Variants in RBFOX1 observed in about 807,000 individuals in gnomAD.
The protein encoded by RBFOX1 is RNA binding protein fox-1 homolog 1.
In RBFOX1, 8 loss-of-function variants were observed where a neutral mutation model predicts 57.7. The ratio of observed to expected loss-of-function variants is 0.14; its 90% CI spans 0.08 to 0.25. The LOEUF (loss-of-function observed/expected upper bound fraction) is 0.25. Ranked by LOEUF, RBFOX1 falls within the 10% of genes least tolerant of loss-of-function variation. The pLI, the probability that RBFOX1 is intolerant of heterozygous loss-of-function variation, is 1.00. For missense variants in RBFOX1, 611 were observed against 548.5 expected (o/e 1.11, Z -1.14); for synonymous variants, 326 against 222.4 (o/e 1.47, Z -4.15).
chr16:5,612,207 C>T (rs1468940968), intron 3 of RBFOX1, among the ~76,000 whole-genome samples: 2 of 81,092 alleles, frequency 2.5e-5, no homozygotes, highest in African/African-American at 9.4e-5. Flanking sequence ...ATTCTCCCCT[C>T]CACTCTCATT....
In RBFOX1 at chr16:6,828,812, G is replaced by A. The variant is rs1409804239; in HGVS notation, c.-16+174162G>A. Reference sequence around the variant, plus strand: ...CCTACGTTTGGTGTAAAAATGGATGGCATCACAATTCTAAGAAATTTCCAC... The same window carrying A: ...CCTACGTTTGGTGTAAAAATGGATGACATCACAATTCTAAGAAATTTCCAC... On this transcript the variant is annotated intron_variant, in intron 3 of 15. Transcript: ENST00000550418. Among the ~76,000 whole-genome samples the A allele has an allele frequency of 6.6e-5, 10 of 152,194 alleles. No homozygotes were observed. The South Asian group carries it at 1.5e-3, about 22-fold the overall frequency.
At chr16:6,959,736 A>T (rs1406617261) in intron 3 of RBFOX1, among the ~76,000 whole-genome samples, 1 of 152,180 alleles carries the variant, frequency 6.6e-6, no homozygotes, top group Admixed American at 6.5e-5. Context: ...CAGGAGTTCG[A>T]GACCAGCCTG....
chr16:5,638,821 G>A (rs999855561), intron 3 of RBFOX1, among the ~76,000 whole-genome samples: 1 of 152,122 alleles, frequency 6.6e-6, no homozygotes, highest in African/African-American at 2.4e-5. Flanking sequence ...GGCTGAATGG[G>A]CTCAGAGAAA....
At chr16:5,969,167 T>TG (rs1231117101) in intron 4 of RBFOX1, among the ~76,000 whole-genome samples, 2 of 152,274 alleles carry the variant, frequency 1.3e-5, no homozygotes, top group East Asian at 3.9e-4. Context: ...AATAGAATGT[T>TG]GCAGCATTGA....
At chr16:5,472,636 A>G (rs2069178123) in intron 2 of RBFOX1, among the ~76,000 whole-genome samples, 1 of 152,054 alleles carries the variant, frequency 6.6e-6, no homozygotes, top group Non-Finnish European at 1.5e-5. Flanking sequence ...GCCCTCCTGG[A>G]CTGGGTCTCA....
chr16:7,043,665 A>G (rs879376714), intron 3 of RBFOX1, among the ~76,000 whole-genome samples: 1 of 152,178 alleles, frequency 6.6e-6, no homozygotes, highest in Non-Finnish European at 1.5e-5. Flanking sequence ...TGAAAACTGG[A>G]TTTTCCAACA....
chr16:5,550,128 C>T (rs1253998003), intron 2 of RBFOX1, among the ~76,000 whole-genome samples: 1 of 152,202 alleles, frequency 6.6e-6, no homozygotes, highest in African/African-American at 2.4e-5. Context: ...AACAAATTCA[C>T]ATCTTCCAAA....
intron 1 of RBFOX1, among the ~76,000 whole-genome samples, chr16:6,209,096 A>G (rs2097274746): frequency 6.6e-6 from 1 of 152,238 alleles, no homozygotes; most frequent in Admixed American, 6.5e-5. Context: ...GGAGAGGACA[A>G]CATAGAAAGC....
chr16:7,263,252 C>T (rs2094992524), intron 4 of RBFOX1, among the ~76,000 whole-genome samples: 3 of 152,202 alleles, frequency 2.0e-5, no homozygotes, highest in African/African-American at 4.8e-5. Context: ...ACTAGGCACA[C>T]ATCCTTAGTA....
chr16:5,907,563 C>G (rs2058490733), intron 4 of RBFOX1, among the ~76,000 whole-genome samples: 1 of 152,132 alleles, frequency 6.6e-6, no homozygotes, highest in Non-Finnish European at 1.5e-5. Context: ...CTTATATTTA[C>G]TGAGTACCAC....
intron 3 of RBFOX1, among the ~76,000 whole-genome samples, chr16:6,836,672 T>A (rs561608010): frequency 6.6e-6 from 1 of 152,228 alleles, no homozygotes; most frequent in Non-Finnish European, 1.5e-5. Flanking sequence ...TCCTTTCTTA[T>A]GCCCCTAATT....
intron 3 of RBFOX1, among the ~76,000 whole-genome samples, chr16:6,864,374 G>C (rs1177171922): frequency 1.3e-5 from 2 of 152,058 alleles, no homozygotes; most frequent in African/African-American, 4.8e-5. Flanking sequence ...CTGCAATAAA[G>C]GAAGGCTATT....
Position 7,561,364 on chromosome 16 carries a change from A to G in RBFOX1, c.271-18413A>G, listed in dbSNP as rs188676479. On this transcript the variant is annotated intron_variant, in intron 5 of 15. Coordinates refer to ENST00000550418, the MANE Select transcript of RBFOX1 (RefSeq NM_018723.4). ...GCATGCTATCCCCATCTAGATGAAG[A>G]GACAAGTAGAAAGGAGATGCAGGCA... Among the ~76,000 whole-genome samples, 518 of 152,362 alleles carry G rather than the reference A, an allele frequency of 3.4e-3. 2 individuals are homozygous for G. Among genetic ancestry groups the G allele is most frequent in the Non-Finnish European group, 5.2e-3 (351 of 68,034 alleles).
intron 3 of RBFOX1, among the ~76,000 whole-genome samples, chr16:6,760,599 T>C (rs17141329): frequency 0.017 from 2,640 of 152,304 alleles, 78 homozygotes; most frequent in African/African-American, 0.06. Flanking sequence ...TTTGCGTTGG[T>C]AGACTGACTT....
At chr16:6,661,561 G>C (rs1038779057) in intron 3 of RBFOX1, among the ~76,000 whole-genome samples, 6 of 152,284 alleles carry the variant, frequency 3.9e-5, no homozygotes, top group Middle Eastern at 3.4e-3. Context: ...GCACCAAGAA[G>C]GTACTTAAAC....
chr16:5,863,059 C>A (rs1022374163), intron 3 of RBFOX1, among the ~76,000 whole-genome samples: 1 of 152,106 alleles, frequency 6.6e-6, no homozygotes, highest in Non-Finnish European at 1.5e-5. Context: ...CTTTGGAGTT[C>A]GACCTGAGTT....
chr16:7,325,005 G>C (rs949448946), intron 4 of RBFOX1, among the ~76,000 whole-genome samples: 1 of 152,192 alleles, frequency 6.6e-6, no homozygotes, highest in African/African-American at 2.4e-5. Flanking sequence ...GGACATAGAA[G>C]AAGGAGGTAA....
chr16:6,617,782 G>T (rs1436307223), intron 2 of RBFOX1, among the ~76,000 whole-genome samples: 1 of 152,136 alleles, frequency 6.6e-6, no homozygotes, highest in Non-Finnish European at 1.5e-5. Flanking sequence ...GTAGACAGTG[G>T]GGGATAAAGT....
At chr16:5,643,759 C>G (rs191154013) in intron 3 of RBFOX1, among the ~76,000 whole-genome samples, 2 of 152,134 alleles carry the variant, frequency 1.3e-5, no homozygotes, top group Non-Finnish European at 2.9e-5. Flanking sequence ...CACCATTTTA[C>G]TGATTCTTGT....
Sources: allele counts gnomAD v4.1 joint callset (sites outside exome capture counted in the v4.1 genomes callset), GRCh38; gene constraint gnomAD v4.1.1; transcripts MANE v1.5; gene names NCBI Gene and HGNC (gene_info 2026-07-23, HGNC 2026-07-21).